Variants in RNGTT observed in about 807,000 individuals in gnomAD.
The protein encoded by RNGTT is mRNA-capping enzyme.
RNGTT carries 33 observed loss-of-function variants against 79.3 expected under a neutral mutation model. That is an observed-to-expected ratio of 0.42 (90% CI 0.32 to 0.56). The LOEUF is 0.56. Among genes scored for constraint, RNGTT ranks in the 20% least tolerant of loss-of-function variants. The probability of loss-of-function intolerance (pLI) is 0.17; values close to 1 mark genes in which losing one functional copy is unlikely to be tolerated. For synonymous variants in RNGTT, 222 were observed against 235.9 expected (o/e 0.94, Z 0.54); for missense variants, 497 against 739.1 (o/e 0.67, Z 3.80).
intron 11 of RNGTT, among the ~76,000 whole-genome samples, chr6:88,834,995 T>C (rs952500628): frequency 1.3e-5 from 2 of 152,190 alleles, no homozygotes; most frequent in African/African-American, 4.8e-5. Flanking sequence ...TTTAATACTC[T>C]CAACAGTTAT....
chr6:88,696,292 TA>T (rs199980624), intron 13 of RNGTT, among the ~76,000 whole-genome samples: 2 of 152,164 alleles, frequency 1.3e-5, no homozygotes, highest in African/African-American at 2.4e-5. Context: ...CAATTTACAA[TA>T]AAAAAATCTC....
chr6:88,649,911 G>C (rs1363514235), intron 14 of RNGTT, among the ~76,000 whole-genome samples: 1 of 151,992 alleles, frequency 6.6e-6, no homozygotes, highest in African/African-American at 2.4e-5. Flanking sequence ...ACCAAGTAAG[G>C]GTATTCCTAG....
chr6:88,853,820 C>A, intron 8 of RNGTT, 56 bp from the exon 9 acceptor site: 2 of 1,100,352 alleles, frequency 1.8e-6, no homozygotes, highest in Admixed American at 2.6e-5. Context: ...AGAACAGGGT[C>A]ATGAGAAATA....
At chr6:88,732,704 T>A (rs1295110667) in intron 13 of RNGTT, among the ~76,000 whole-genome samples, 3 of 152,112 alleles carry the variant, frequency 2.0e-5, no homozygotes, top group Non-Finnish European at 2.9e-5. Context: ...ATATACCACA[T>A]CATGAATGAA....
At chr6:88,929,817 C>CATACATATACACACAT (rs952593832) in intron 2 of RNGTT, among the ~76,000 whole-genome samples, 1 of 150,900 alleles carries the variant, frequency 6.6e-6, no homozygotes, top group East Asian at 1.9e-4. Context: ...TATATATATA[C>CATACATATACACACAT]ATACATATAC....
At chr6:88,765,596 A>C (rs565244430) in intron 13 of RNGTT, among the ~76,000 whole-genome samples, 1 of 152,316 alleles carries the variant, frequency 6.6e-6, no homozygotes, top group South Asian at 2.1e-4. Context: ...CAGCACAACA[A>C]ATCTACAAAA....
chr6:88,915,237 T>C (rs1283582876), intron 4 of RNGTT, among the ~76,000 whole-genome samples: 2 of 152,186 alleles, frequency 1.3e-5, no homozygotes, highest in African/African-American at 4.8e-5. Flanking sequence ...AAAATAGAAC[T>C]ACCATTTGAC....
chr6:88,882,128 C>T (rs1307335412), intron 8 of RNGTT, among the ~76,000 whole-genome samples: 5 of 152,146 alleles, frequency 3.3e-5, no homozygotes, highest in Non-Finnish European at 7.4e-5. Flanking sequence ...TATTCTTCTC[C>T]TAAACCCAAG....
chr6:88,671,696 G>A (rs1265735891), intron 14 of RNGTT, among the ~76,000 whole-genome samples: 1 of 152,008 alleles, frequency 6.6e-6, no homozygotes, highest in South Asian at 2.1e-4. Context: ...ATTACCCAAC[G>A]GCAAACTATA....
chr6:88,920,018 G>GC (rs940501440), intron 4 of RNGTT, among the ~76,000 whole-genome samples: 6 of 152,090 alleles, frequency 3.9e-5, no homozygotes, highest in Non-Finnish European at 7.4e-5. Flanking sequence ...GGAAGATTTT[G>GC]CCCCCCAGGG....
chr6:88,763,951 C>T (rs1778357852), intron 13 of RNGTT, among the ~76,000 whole-genome samples: 1 of 152,174 alleles, frequency 6.6e-6, no homozygotes, highest in African/African-American at 2.4e-5. Flanking sequence ...GATGGCTCTG[C>T]AGCAAGTTCA....
intron 13 of RNGTT, among the ~76,000 whole-genome samples, chr6:88,708,978 T>C (rs1457794022): frequency 2.0e-5 from 3 of 152,110 alleles, no homozygotes; most frequent in African/African-American, 7.2e-5. Context: ...CCAATGTCTG[T>C]GACCTCTAGA....
chr6:88,708,677 G>C (rs753908241), intron 13 of RNGTT, among the ~76,000 whole-genome samples: 6 of 152,118 alleles, frequency 3.9e-5, no homozygotes, highest in Non-Finnish European at 7.4e-5. Context: ...GCTCTGCTGG[G>C]TTTCAATCAC....
chr6:88,718,993 T>C (rs80352307), intron 13 of RNGTT, among the ~76,000 whole-genome samples: 7,469 of 152,204 alleles, frequency 0.049, 321 homozygotes, highest in Non-Finnish European at 0.069. Flanking sequence ...TATTTAGAGT[T>C]ACAAAAAATA....
chr6:88,771,632 G>C (rs1235759084), intron 12 of RNGTT, among the ~76,000 whole-genome samples: 3 of 151,874 alleles, frequency 2.0e-5, no homozygotes, highest in African/African-American at 4.8e-5. Flanking sequence ...CAATAGGTTA[G>C]GGAAGAAATG....
chr6:88,801,746 A>C, intron 11 of RNGTT, 114 bp from the exon 12 acceptor site: 1 of 630,042 alleles, frequency 1.6e-6, no homozygotes, highest in Non-Finnish European at 2.8e-6. Flanking sequence ...TAAGAACTGA[A>C]ATACAAAATA....
intron 11 of RNGTT, among the ~76,000 whole-genome samples, chr6:88,842,492 T>C (rs1330210561): frequency 6.6e-6 from 1 of 151,260 alleles, no homozygotes; most frequent in African/African-American, 2.4e-5. Flanking sequence ...AAAAGGAAAA[T>C]GGAGAAGATG....
intron 4 of RNGTT, among the ~76,000 whole-genome samples, chr6:88,916,611 T>A (rs567687095): frequency 5.3e-5 from 8 of 152,344 alleles, no homozygotes; most frequent in African/African-American, 1.9e-4. Flanking sequence ...AATAACATAA[T>A]CCAAATATTT....
At chr6:88,867,619 C>T (rs1782217216) in intron 8 of RNGTT, among the ~76,000 whole-genome samples, 1 of 151,988 alleles carries the variant, frequency 6.6e-6, no homozygotes, top group Non-Finnish European at 1.5e-5. Context: ...AAGTTATATT[C>T]AATAGATTTT....
Sources: allele counts gnomAD v4.1 joint callset (sites outside exome capture counted in the v4.1 genomes callset), GRCh38; gene constraint gnomAD v4.1.1; transcripts MANE v1.5; gene names NCBI Gene and HGNC (gene_info 2026-07-23, HGNC 2026-07-21).